Variants in SYT7 observed in about 807,000 individuals in gnomAD.
SYT7 encodes the protein synaptotagmin 7.
Under a neutral mutation model 75.1 loss-of-function variants are expected in SYT7, and 29 were observed. The observed-to-expected ratio is 0.39, with a 90% CI of 0.29 to 0.53. The LOEUF (loss-of-function observed/expected upper bound fraction) is 0.53, where lower values mean the gene tolerates loss of function less well. Among genes scored for constraint, SYT7 ranks in the 20% least tolerant of loss-of-function variants. The pLI is 0.77. For synonymous variants in SYT7, 376 were observed against 401.7 expected, an observed-to-expected ratio of 0.94 and a Z score of 0.76; for missense variants, 693 against 953.2, an observed-to-expected ratio of 0.73 and a Z score of 3.59.
In SYT7 at chr11:61,542,304, C is replaced by G. The variant is rs542657552; in HGVS notation, c.848G>C (p.Arg283Pro). 2 of 1,533,784 alleles carry G rather than the reference C, an allele frequency of 1.3e-6. No homozygotes were observed. Among genetic ancestry groups the G allele is most frequent in the Non-Finnish European group, 1.7e-6 (2 of 1,145,936 alleles). The change falls in exon 6 of 13, where the codon CGG becomes CCG. Residue 283 changes from arginine to proline, a missense_variant. Physicochemically the swap from Arg to Pro is moderately radical, Grantham distance 103. Around this residue, in one of 2 missense-constraint regions of SYT7, gnomAD observed 487 missense variants for 593.2 expected, o/e 0.82. Transcript: ENST00000539008. This position sits in a 1 kb window ranked among gnomAD's most constrained non-coding sequence, Gnocchi z 7.8. ...GGAGCGGCTGCGGCCCCCTGCCGCC[C>G]GGTACTTGGAGCCGGCCGAGGTGCC... Reference protein sequence around the residue: ...RQGTSAGSKYRAAGGRSRSNP... With the variant: ...RQGTSAGSKYPAAGGRSRSNP...
In SYT7 at chr11:61,553,961, C is replaced by A. The variant is rs1477590127; in HGVS notation, c.135+2143G>T. On this transcript the variant is annotated intron_variant, in intron 2 of 12. Coordinates refer to ENST00000539008, the MANE Select transcript of SYT7 (RefSeq NM_001365809.2). The surrounding 1 kb of genome is among the most constrained non-coding windows in gnomAD (Gnocchi z 5.2). ...AACGAGCTCCCTGGCTTCTGGAACC[C>A]CTGAGGCGGAGGGGAGGGGGTGGCA... Among the ~76,000 whole-genome samples the A allele has an allele frequency of 1.3e-5, 2 of 151,958 alleles. No individual in the cohort carries two copies. Among genetic ancestry groups the A allele is most frequent in the Non-Finnish European group, 2.9e-5 (2 of 67,974 alleles).
chr11:61,533,306 C>T (rs2062767493), intron 7 of SYT7, 182 bp from the exon 8 acceptor site: 1 of 985,336 alleles, frequency 1.0e-6, no homozygotes, highest in Non-Finnish European at 1.2e-6. Flanking sequence ...ATGCCCGGGG[C>T]CCATTCTCCT....
At chr11:61,573,975 C>G (rs557646019) in intron 1 of SYT7, among the ~76,000 whole-genome samples, 32 of 152,364 alleles carry the variant, frequency 2.1e-4, no homozygotes, top group South Asian at 1.9e-3. Flanking sequence ...ATGTTATGTG[C>G]TTAGAACAGC....
chr11:61,546,338 C>CG lies in SYT7; in HGVS notation c.348-84dup, dbSNP rs1159975611. The stretch of plus-strand genomic sequence containing the variant: ...GAGAGGGCAGGCCATACGTGGGGGT[C>CG]GGGGGGTGGAAGAGGAAGAAAAACA... On this transcript the variant is annotated intron_variant, in intron 4 of 12. Transcript: ENST00000539008. The surrounding 1 kb of genome is among the most constrained non-coding windows in gnomAD (Gnocchi z 7.6). 6.6e-6 allele frequency: 6 copies of CG among 911,062 alleles called. No individual in the cohort carries two copies. In the East Asian group the frequency reaches 9.2e-5, roughly 14 times the overall value. The allele number at this position is 911,062 out of a possible 1,614,324, so 56.4% of individuals were successfully genotyped here. A position where few individuals can be genotyped will look rare whatever the true frequency, so the allele number is the denominator to read the frequency against.
chr11:61,571,726 A>G (rs2063926261), intron 1 of SYT7, among the ~76,000 whole-genome samples: 1 of 152,116 alleles, frequency 6.6e-6, no homozygotes, highest in South Asian at 2.1e-4. Flanking sequence ...GAGGGAGAGA[A>G]AGGCATCAAC....
At chr11:61,570,199 G>C (rs2063884533) in intron 1 of SYT7, among the ~76,000 whole-genome samples, 1 of 152,244 alleles carries the variant, frequency 6.6e-6, no homozygotes, top group African/African-American at 2.4e-5. Context: ...AGTCCTACTG[G>C]TGGGTCCTGT....
At chr11:61,563,920 T>C (rs1261546632) in intron 1 of SYT7, among the ~76,000 whole-genome samples, 2 of 151,894 alleles carry the variant, frequency 1.3e-5, no homozygotes, top group East Asian at 1.9e-4. Context: ...ACAGGAGAGG[T>C]TGGAGAAGTA....
chr11:61,576,339 T>C lies in SYT7; in HGVS notation c.31+4451A>G, dbSNP rs907067819. Reference sequence around the variant, plus strand: ...TGGCAAGGCAGGCAGGCACCCGGGCTGGGCCTGGCACAGGCTGGTGCCGGC... The same window carrying C: ...TGGCAAGGCAGGCAGGCACCCGGGCCGGGCCTGGCACAGGCTGGTGCCGGC... On this transcript the variant is annotated intron_variant, in intron 1 of 12. Transcript: ENST00000539008. This position sits in a 1 kb window ranked among gnomAD's most constrained non-coding sequence, Gnocchi z 4.1. Among the ~76,000 whole-genome samples the C allele has an allele frequency of 6.6e-6, 1 of 152,242 alleles. No individual in the cohort carries two copies. The highest frequency in any genetic ancestry group is 2.4e-5 in the African/African-American group (1 of 41,472).
upstream of SYT7, among the ~76,000 whole-genome samples, chr11:61,584,420 A>G (rs2064344360): frequency 1.3e-5 from 2 of 151,580 alleles, no homozygotes; most frequent in Non-Finnish European, 2.9e-5. Flanking sequence ...AAAAAAAAAG[A>G]TACTTGGAAC....
intron 8 of SYT7, among the ~76,000 whole-genome samples, chr11:61,531,891 CAAAAAAAAAAAA>C (rs58242073): frequency 4.0e-5 from 2 of 49,418 alleles, no homozygotes; most frequent in Admixed American, 2.0e-4. Context: ...GATTCTGTCT[CAAAAAAAAAAAA>C]AAAAAAAAAA....
At position 61,576,161 on chromosome 11, in the gene SYT7, C is replaced by T. The variant is rs1442612358; in HGVS notation, c.31+4629G>A. 1.3e-5 allele frequency among the ~76,000 whole-genome samples: 2 copies of T among 152,246 alleles called. No individual in the cohort carries two copies. Among genetic ancestry groups the T allele is most frequent in the African/African-American group, 4.8e-5 (2 of 41,450 alleles). On this transcript the variant is annotated intron_variant, in intron 1 of 12. Coordinates refer to ENST00000539008, the MANE Select transcript of SYT7 (RefSeq NM_001365809.2). This position sits in a 1 kb window ranked among gnomAD's most constrained non-coding sequence, Gnocchi z 4.1. ...GCTGTCTGCCAACTCTGTTCCAGCC[C>T]TTGGGGAATTCTGCTGGGTGAGACC...
At chr11:61,534,380 C>T (rs548985853) in intron 7 of SYT7, among the ~76,000 whole-genome samples, 15 of 152,308 alleles carry the variant, frequency 9.8e-5, no homozygotes, top group South Asian at 2.1e-4. Context: ...CACACACACA[C>T]GCACATGCAT....
intron 3 of SYT7, among the ~76,000 whole-genome samples, chr11:61,548,429 G>A (rs924339546): frequency 5.3e-5 from 8 of 152,208 alleles, no homozygotes; most frequent in Non-Finnish European, 1.0e-4. Flanking sequence ...GAAACCCTGG[G>A]AGCCAAGGAC....
chr11:61,558,383 A>G (rs1450544204), intron 1 of SYT7, among the ~76,000 whole-genome samples: 1 of 151,844 alleles, frequency 6.6e-6, no homozygotes, highest in Non-Finnish European at 1.5e-5. Context: ...GAACTCTGGC[A>G]TGGGGGTTGG....
chr11:61,560,228 G>T (rs1005726009), intron 1 of SYT7, among the ~76,000 whole-genome samples: 1 of 152,188 alleles, frequency 6.6e-6, no homozygotes, highest in South Asian at 2.1e-4. Flanking sequence ...CCAACTAGAG[G>T]TACGTGGTTA....
At chr11:61,522,644 T>C (rs1261135819) in intron 12 of SYT7, among the ~76,000 whole-genome samples, 1 of 152,194 alleles carries the variant, frequency 6.6e-6, no homozygotes, top group Non-Finnish European at 1.5e-5. Context: ...TGGTTGTTTA[T>C]CGGCAGATGG....
intron 8 of SYT7, 134 bp from the exon 9 acceptor site, chr11:61,528,319 G>A: frequency 8.8e-7 from 1 of 1,133,030 alleles, no homozygotes; most frequent in East Asian, 2.4e-5. Context: ...CGCTGCTCAG[G>A]CTCAGAGGGC....
chr11:61,552,792 GC>G (rs1456354492), intron 2 of SYT7, among the ~76,000 whole-genome samples: 17 of 152,218 alleles, frequency 1.1e-4, no homozygotes, highest in African/African-American at 4.1e-4. Context: ...CGTCAGCCTA[GC>G]CAAGTGTCTT....
intron 7 of SYT7, among the ~76,000 whole-genome samples, chr11:61,537,548 C>T (rs530929771): frequency 5.9e-5 from 9 of 152,320 alleles, no homozygotes; most frequent in South Asian, 2.1e-4. Flanking sequence ...CTGCCTGCAC[C>T]GCTCCGGGCC....
Sources: gnomAD v4.1 joint callset for allele counts (sites outside exome capture counted in the v4.1 genomes callset) on GRCh38, gnomAD v4.1.1 for gene constraint, gnomAD v4.1.1 regional missense constraint, Gnocchi (gnomAD v3.1) non-coding constraint, MANE v1.5 for transcripts, NCBI Gene and HGNC (gene_info 2026-07-23, HGNC 2026-07-21) for gene names.